Variants in SLC7A9 observed in about 807,000 individuals in gnomAD.
The protein encoded by SLC7A9 is solute carrier family 7 member 9.
SLC7A9 carries 38 observed loss-of-function variants against 54.1 expected under a neutral mutation model. That is an observed-to-expected ratio of 0.70 (90% CI 0.54 to 0.92). The LOEUF is 0.92. Ranked by LOEUF, SLC7A9 falls within the 40% of genes least tolerant of loss-of-function variation. The pLI, the probability that SLC7A9 is intolerant of heterozygous loss-of-function variation, is 0.00. For synonymous variants in SLC7A9, 264 were observed against 258.9 expected (o/e 1.02, Z -0.19); for missense variants, 537 against 636.1 (o/e 0.84, Z 1.68).
At chr19:32,831,870 A>AT (rs1291405391) in intron 12 of SLC7A9, among the ~76,000 whole-genome samples, 5 of 152,248 alleles carry the variant, frequency 3.3e-5, no homozygotes, top group Admixed American at 3.3e-4. Context: ...ACAAAGGAGA[A>AT]TGGTGTTTCA....
At chr19:32,832,347 G>C (rs961443853) in intron 12 of SLC7A9, among the ~76,000 whole-genome samples, 1 of 151,652 alleles carries the variant, frequency 6.6e-6, no homozygotes, top group Non-Finnish European at 1.5e-5. Flanking sequence ...AGCACTTTGG[G>C]AGGCCGAGGT....
chr19:32,869,084 T>A, intron 1 of SLC7A9, among the ~76,000 whole-genome samples: 1 of 145,280 alleles, frequency 6.9e-6, no homozygotes, highest in Admixed American at 6.9e-5. Flanking sequence ...TAGCTGGGTG[T>A]GGTGGTGGGT....
intron 9 of SLC7A9, among the ~76,000 whole-genome samples, chr19:32,856,594 C>T (rs1036350556): frequency 2.0e-5 from 3 of 151,968 alleles, no homozygotes; most frequent in African/African-American, 4.8e-5. Context: ...GTACCACATA[C>T]ATATATGCAA....
rs147167521 is a variant in SLC7A9 at position 32,859,557 on chromosome 19, G to T, written c.873+284C>A. On this transcript the variant is annotated intron_variant, in intron 8 of 12. Transcript: ENST00000023064. ...TAGGGTGGTGCAAAAGTAATTGCCA[G>T]TTTTGCCAAAAATATATATATTTTT... Among the ~76,000 whole-genome samples the T allele has an allele frequency of 7.8e-3, 1,179 of 152,088 alleles. 16 individuals are homozygous for T. The highest frequency in any genetic ancestry group is 0.027 in the African/African-American group (1,116 of 41,464).
Position 32,830,524 on chromosome 19 carries a change from A to G in SLC7A9, c.*96T>C. 9 of 913,240 alleles carry G rather than the reference A, an allele frequency of 9.9e-6. No homozygotes were observed. Among genetic ancestry groups the G allele is most frequent in the Non-Finnish European group, 1.6e-5 (9 of 546,206 alleles). 56.6% of individuals were successfully genotyped at this position (913,240 alleles called of 1,614,324 possible). ...AAAATAACAATATTTTAAACATCTG[A>G]GTATATTTTATTCGTAAGAAAAAAA... On this transcript the variant is annotated 3_prime_UTR_variant, in exon 13 of 13. Coordinates refer to ENST00000023064, the MANE Select transcript of SLC7A9 (RefSeq NM_014270.5).
intron 9 of SLC7A9, among the ~76,000 whole-genome samples, chr19:32,848,965 A>C (rs1199997595): frequency 3.3e-5 from 4 of 122,470 alleles, no homozygotes; most frequent in Non-Finnish European, 8.1e-5. Context: ...AGGCAGAAAT[A>C]AAGATGTTCT....
chr19:32,846,193 C>A (rs924538941), intron 9 of SLC7A9, among the ~76,000 whole-genome samples: 4 of 152,264 alleles, frequency 2.6e-5, no homozygotes, highest in African/African-American at 9.6e-5. Flanking sequence ...TGCAGCACAC[C>A]GTGCATGAGC....
intron 9 of SLC7A9, among the ~76,000 whole-genome samples, chr19:32,845,392 G>A (rs1252359090): frequency 6.6e-6 from 1 of 152,018 alleles, no homozygotes; most frequent in African/African-American, 2.4e-5. Context: ...CTGAGGCTGA[G>A]GCTGAGGCAG....
chr19:32,860,046 A>G (rs1004830239), intron 7 of SLC7A9, 82 bp from the exon 8 acceptor site: 3 of 1,611,152 alleles, frequency 1.9e-6, no homozygotes, highest in South Asian at 2.2e-5. Flanking sequence ...AGGCCCTCCC[A>G]GGGAGAAGAT....
chr19:32,843,295 A>G lies in SLC7A9; in HGVS notation c.1074+560T>C, dbSNP rs1968181508. On this transcript the variant is annotated intron_variant, in intron 10 of 12. Coordinates refer to ENST00000023064, the MANE Select transcript of SLC7A9 (RefSeq NM_014270.5). The stretch of plus-strand genomic sequence containing the variant: ...AGCATGGTGAAACCCCATCTCTACT[A>G]AAAATACAAAAAGTAGCCAGGCGTG... Among the ~76,000 whole-genome samples the G allele has an allele frequency of 3.3e-5, 5 of 152,018 alleles. No individual in the cohort carries two copies. The South Asian group carries it at 1.0e-3, about 31-fold the overall frequency.
At chr19:32,860,560 A>C in intron 7 of SLC7A9, 46 bp downstream of exon 7, 1 of 1,614,066 alleles carries the variant, frequency 6.2e-7, no homozygotes, top group Non-Finnish European at 8.5e-7. Flanking sequence ...GGAGAAGAGA[A>C]ATCAGGCTGC....
chr19:32,856,392 C>A (rs1321549624), intron 9 of SLC7A9, among the ~76,000 whole-genome samples: 1 of 152,074 alleles, frequency 6.6e-6, no homozygotes, highest in African/African-American at 2.4e-5. Context: ...GATAGGGTTT[C>A]ACCATGTTAG....
At chr19:32,840,038 A>ATTCCCCACC (rs1968085580) in intron 11 of SLC7A9, among the ~76,000 whole-genome samples, 1 of 151,892 alleles carries the variant, frequency 6.6e-6, no homozygotes, top group Non-Finnish European at 1.5e-5. Flanking sequence ...CATGTATTAG[A>ATTCCCCACC]TTCCCCACCT....
rs373322494 is a variant in SLC7A9 at position 32,861,007 on chromosome 19, G to A, written c.705-357C>T. Among the ~76,000 whole-genome samples, 87 of 152,296 alleles carry A rather than the reference G, an allele frequency of 5.7e-4. 3 individuals carry two copies. In the South Asian group the frequency reaches 0.016, roughly 27 times the overall value. On this transcript the variant is annotated intron_variant, in intron 6 of 12. Coordinates refer to ENST00000023064, the MANE Select transcript of SLC7A9 (RefSeq NM_014270.5). ...TGCTTTGCAGGAGAGAAGGACCATC[G>A]TTGCAGATGGCCATGCTTCTTCCTT...
intron 9 of SLC7A9, among the ~76,000 whole-genome samples, chr19:32,847,799 A>G (rs529815007): frequency 5.2e-4 from 79 of 152,324 alleles, no homozygotes; most frequent in African/African-American, 1.9e-3. Context: ...AGGCTGGGTT[A>G]CCCACAAAGG....
At position 32,864,910 on chromosome 19, in the gene SLC7A9, G is replaced by A. The variant is rs191076925; in HGVS notation, c.88-134C>T. 914 of 1,142,670 alleles carry A rather than the reference G, an allele frequency of 8.0e-4. 8 individuals are homozygous for A. The Admixed American group carries it at 0.015, about 19-fold the overall frequency. The allele number at this position is 1,142,670 out of a possible 1,614,324, so 70.8% of individuals were successfully genotyped here. On this transcript the variant is annotated intron_variant, in intron 2 of 12. Coordinates refer to ENST00000023064, the MANE Select transcript of SLC7A9 (RefSeq NM_014270.5). ...TGTCCCAGGCGCTTCCACCCTGAGCGGCTGCCCTGGCAACACCGGGGCACC... is the reference window on the plus strand; with the variant it reads ...TGTCCCAGGCGCTTCCACCCTGAGCAGCTGCCCTGGCAACACCGGGGCACC...
chr19:32,843,840 G>A lies in SLC7A9; in HGVS notation c.1074+15C>T, dbSNP rs199989326. 46 of 1,596,176 alleles carry A rather than the reference G, an allele frequency of 2.9e-5. No individual in the cohort carries two copies. Among genetic ancestry groups the A allele is most frequent in the African/African-American group, 4.0e-5 (3 of 74,686 alleles). The stretch of plus-strand genomic sequence containing the variant: ...CCCGCCTTGAAGATAGGCTGGTAGC[G>A]GGATTTGTACTCACATAAAAGATGA... On this transcript the variant is annotated intron_variant, in intron 10 of 12. Coordinates refer to ENST00000023064, the MANE Select transcript of SLC7A9 (RefSeq NM_014270.5).
chr19:32,864,848 C>T, intron 2 of SLC7A9, 72 bp from the exon 3 acceptor site: 1 of 1,600,816 alleles, frequency 6.2e-7, no homozygotes, highest in Non-Finnish European at 8.6e-7. Flanking sequence ...GTGCCACCCT[C>T]CCTCGGTACG....
chr19:32,863,894 G>A (rs1968880512), intron 4 of SLC7A9, among the ~76,000 whole-genome samples: 1 of 152,198 alleles, frequency 6.6e-6, no homozygotes, highest in Admixed American at 6.5e-5. Context: ...TGCCCTGCAG[G>A]ACAGCCAGCG....
Sources: gnomAD v4.1 joint callset for allele counts (sites outside exome capture counted in the v4.1 genomes callset) on GRCh38, gnomAD v4.1.1 for gene constraint, MANE v1.5 for transcripts, NCBI Gene and HGNC (gene_info 2026-07-23, HGNC 2026-07-21) for gene names.